Variants in KCNT1 observed in about 807,000 individuals in gnomAD.
KCNT1 encodes the protein potassium sodium-activated channel subfamily T member 1, also known as potassium channel subfamily T member 1.
In KCNT1, 78 loss-of-function variants were observed where a neutral mutation model predicts 147.8. The observed-to-expected ratio is 0.53, with a 90% CI of 0.44 to 0.64. The LOEUF (loss-of-function observed/expected upper bound fraction) is 0.64, where lower values mean the gene tolerates loss of function less well. Ranked by LOEUF, KCNT1 falls within the 30% of genes least tolerant of loss-of-function variation. KCNT1 has a pLI of 0.00. For synonymous variants in KCNT1, 867 were observed against 748.8 expected (o/e 1.16, Z -2.58); for missense variants, 1,419 against 1,750.3 (o/e 0.81, Z 3.38).
chr9:135,756,583 G>A (rs1459403875), intron 6 of KCNT1, among the ~76,000 whole-genome samples: 2 of 152,132 alleles, frequency 1.3e-5, no homozygotes, highest in Admixed American at 1.3e-4. Context: ...GCCGCTCTCT[G>A]GTGTCTTCCT....
chr9:135,748,003 G>A (rs530778644), intron 2 of KCNT1, among the ~76,000 whole-genome samples: 4 of 152,146 alleles, frequency 2.6e-5, no homozygotes, highest in East Asian at 3.9e-4. Context: ...GTGCAGTGGC[G>A]TGTTGACGGC....
chr9:135,790,285 T>C (rs1227361422), intron 29 of KCNT1: 1 of 152,208 alleles, frequency 6.6e-6, no homozygotes, highest in Non-Finnish European at 1.5e-5. Flanking sequence ...CAGAAGCGTG[T>C]GTGGGCACGA....
At chr9:135,760,031 C>G (rs994741507) in intron 11 of KCNT1, among the ~76,000 whole-genome samples, 172 bp downstream of exon 11, 1 of 152,146 alleles carries the variant, frequency 6.6e-6, no homozygotes, top group Non-Finnish European at 1.5e-5. Flanking sequence ...TGAGGGTCTA[C>G]GGCGGGTCCG....
intron 2 of KCNT1, among the ~76,000 whole-genome samples, chr9:135,716,176 C>G (rs1835712938): frequency 6.6e-6 from 1 of 152,204 alleles, no homozygotes; most frequent in Non-Finnish European, 1.5e-5. Context: ...GCCTGTTCAG[C>G]TGGGACTTGG....
chr9:135,731,334 G>GCGAAAATTAGTAA (rs1258015222), intron 2 of KCNT1, among the ~76,000 whole-genome samples: 1 of 152,180 alleles, frequency 6.6e-6, no homozygotes, highest in African/African-American at 2.4e-5. Flanking sequence ...ACAGTGTCCT[G>GCGAAAATTAGTAA]CATACCCACA....
At chr9:135,765,970 T>C (rs1214193046) in intron 13 of KCNT1, among the ~76,000 whole-genome samples, 2 of 151,864 alleles carry the variant, frequency 1.3e-5, no homozygotes, top group Non-Finnish European at 2.9e-5. Flanking sequence ...GGGTGGACCA[T>C]TCAGGGTGGA....
At chr9:135,769,077 G>T (rs1832539561) in intron 15 of KCNT1, 140 bp downstream of exon 15, 1 of 669,014 alleles carries the variant, frequency 1.5e-6, no homozygotes, top group Non-Finnish European at 2.5e-6. Flanking sequence ...GCACACGTGG[G>T]TGACGGTGCG....
chr9:135,704,981 CAG>C (rs1835191163), intron 1 of KCNT1, among the ~76,000 whole-genome samples: 1 of 152,214 alleles, frequency 6.6e-6, no homozygotes, highest in Non-Finnish European at 1.5e-5. Context: ...AGGGAGCAGA[CAG>C]GGTCCCCACG....
At chr9:135,719,892 G>T (rs540603514) in intron 2 of KCNT1, among the ~76,000 whole-genome samples, 231 of 152,210 alleles carry the variant, frequency 1.5e-3, no homozygotes, top group Admixed American at 3.9e-3. Context: ...CCCCAGAGCG[G>T]CCTGACCAGG....
intron 1 of KCNT1, among the ~76,000 whole-genome samples, chr9:135,712,839 C>T (rs959272096): frequency 3.3e-5 from 5 of 152,240 alleles, no homozygotes; most frequent in Non-Finnish European, 7.3e-5. Flanking sequence ...AGGACACCTG[C>T]TTATGGCCGT....
At chr9:135,780,540 C>T (rs375770009) in intron 24 of KCNT1, among the ~76,000 whole-genome samples, 3 of 152,204 alleles carry the variant, frequency 2.0e-5, no homozygotes, top group South Asian at 4.1e-4. Context: ...CCCAGAGAAG[C>T]GAGAGGAGGC....
intron 11 of KCNT1, among the ~76,000 whole-genome samples, chr9:135,762,518 T>G (rs1461984706): frequency 2.6e-5 from 4 of 151,764 alleles, no homozygotes; most frequent in African/African-American, 7.3e-5. Context: ...AGGGCCGAGG[T>G]GGGTAGATCA....
At chr9:135,706,751 G>A (rs969121359) in intron 1 of KCNT1, among the ~76,000 whole-genome samples, 2 of 152,210 alleles carry the variant, frequency 1.3e-5, no homozygotes, top group African/African-American at 2.4e-5. Context: ...CCAGGGCTCA[G>A]ACCACCACAC....
At chr9:135,707,083 G>A (rs1280380883) in intron 1 of KCNT1, among the ~76,000 whole-genome samples, 2 of 150,196 alleles carry the variant, frequency 1.3e-5, no homozygotes, top group Admixed American at 6.6e-5. Context: ...CCAGGAGTTG[G>A]AGACCAACTT....
chr9:135,736,842 C>G, intron 2 of KCNT1: 1 of 330,136 alleles, frequency 3.0e-6, no homozygotes, highest in Non-Finnish European at 5.5e-6. Context: ...GCATCCTGCT[C>G]GGGCTGCGCT....
chr9:135,753,911 C>T lies in KCNT1; in HGVS notation c.435-26C>T, dbSNP rs376194856. On this transcript the variant is annotated intron_variant, in intron 4 of 30. Coordinates refer to ENST00000371757, the MANE Select transcript of KCNT1 (RefSeq NM_020822.3). ...GCAGTGGTGCTAGAGGGGCCAGGGC[C>T]GGGCCAGCGCTGTGTCTCTCCACAG... 1.3e-4 allele frequency: 214 copies of T among 1,613,648 alleles called. 3 individuals carry two copies. The South Asian group carries it at 1.7e-3, about 13-fold the overall frequency.
chr9:135,762,312 G>A (rs548984830), intron 11 of KCNT1, among the ~76,000 whole-genome samples: 2 of 152,308 alleles, frequency 1.3e-5, no homozygotes, highest in South Asian at 2.1e-4. Flanking sequence ...TGGGTGTGGC[G>A]GCATGCACCT....
intron 19 of KCNT1, among the ~76,000 whole-genome samples, chr9:135,773,272 G>A (rs1350121622): frequency 1.3e-5 from 2 of 152,178 alleles, no homozygotes; most frequent in Non-Finnish European, 2.9e-5. Context: ...CAGGCACCAG[G>A]CAGCGCCACC....
At chr9:135,785,165 C>A (rs140226409) in intron 27 of KCNT1, 145 bp from the exon 28 acceptor site, 1 of 1,277,974 alleles carries the variant, frequency 7.8e-7, no homozygotes, top group Admixed American at 2.1e-5. Context: ...AGGAAGAATA[C>A]GGGCAGCCCC....
Sources: allele counts gnomAD v4.1 joint callset (sites outside exome capture counted in the v4.1 genomes callset), GRCh38; gene constraint gnomAD v4.1.1; transcripts MANE v1.5; gene names NCBI Gene and HGNC (gene_info 2026-07-23, HGNC 2026-07-21).